Variants in CBX3 observed in about 807,000 individuals in gnomAD.
The protein encoded by CBX3 is chromobox protein homolog 3.
CBX3 carries 5 observed loss-of-function variants against 22.6 expected under a neutral mutation model. That is an observed-to-expected ratio of 0.22 (90% CI 0.12 to 0.47). CBX3 has a LOEUF of 0.47. Ranked by LOEUF, CBX3 falls within the 20% of genes least tolerant of loss-of-function variation. CBX3 has a pLI of 0.99. For synonymous variants in CBX3, 50 were observed against 66.6 expected (o/e 0.75, Z 1.21); for missense variants, 83 against 208.1 (o/e 0.40, Z 3.70).
chr7:26,208,328 T>C, intron 3 of CBX3, 65 bp from the exon 4 acceptor site: 1 of 1,301,968 alleles, frequency 7.7e-7, no homozygotes, highest in Non-Finnish European at 1.1e-6. Context: ...AAAATAGATC[T>C]GGATAATGGT....
At chr7:26,208,170 T>C (rs1584038689) in intron 3 of CBX3, 3 of 341,974 alleles carry the variant, frequency 8.8e-6, no homozygotes, top group Non-Finnish European at 1.6e-5. Flanking sequence ...TTCAGTGAGC[T>C]ATGATTCCAC....
Position 26,212,263 on chromosome 7 carries a change from TA to T in CBX3, c.*56del, listed in dbSNP as rs1784818136. 1 of 1,047,880 alleles carries T rather than the reference TA, an allele frequency of 9.5e-7. No individual in the cohort carries two copies. The highest frequency in any genetic ancestry group is 3.8e-5 in the East Asian group (1 of 26,194). 64.9% of individuals were successfully genotyped at this position (1,047,880 alleles called of 1,614,324 possible). A position where few individuals can be genotyped will look rare whatever the true frequency, so the allele number is the denominator to read the frequency against. On this transcript the variant is annotated 3_prime_UTR_variant, in exon 6 of 6. Transcript: ENST00000396386. ...ATATATATATATAAAAATTGGGTCT[TA>T]GATTTTGATTTACTAGTGTGACAAA...
chr7:26,207,173 T>C lies in CBX3; in HGVS notation c.167+663T>C, dbSNP rs115094732. ...AAAAATGGATAGGTGGAGATCAATT[T>C]CCTGAGCACGCTGGAGATGGAGCAT... On this transcript the variant is annotated intron_variant, in intron 3 of 5. Transcript: ENST00000396386. 8.5e-3 allele frequency among the ~76,000 whole-genome samples: 1,301 copies of C among 152,332 alleles called. 16 individuals are homozygous for C. Among genetic ancestry groups the C allele is most frequent in the African/African-American group, 0.029 (1,210 of 41,570 alleles).
chr7:26,204,687 T>C lies in CBX3; in HGVS notation c.24+1665T>C, dbSNP rs558256395. Among the ~76,000 whole-genome samples the C allele has an allele frequency of 2.6e-5, 4 of 152,350 alleles. No homozygotes were observed. In the East Asian group the frequency reaches 7.7e-4, roughly 29 times the overall value. ...TAGCTTGAAATGTCCTTCTGTAGCC[T>C]TGAGGTGTTCTTAACTTTTTTCTGC... On this transcript the variant is annotated intron_variant, in intron 2 of 5. Transcript: ENST00000396386.
chr7:26,208,339 GATGA>G lies in CBX3; in HGVS notation c.168-51_168-48del. 5.0e-6 allele frequency: 7 copies of G among 1,394,380 alleles called. 1 individual carries two copies. In the South Asian group the frequency reaches 9.1e-5, roughly 18 times the overall value. The allele number at this position is 1,394,380 out of a possible 1,614,324, so 86.4% of individuals were successfully genotyped here. A position where few individuals can be genotyped will look rare whatever the true frequency, so the allele number is the denominator to read the frequency against. ...TATTAAAATAGATCTGGATAATGGT[GATGA>G]ATCATATTTAATTCAATCACCTTTT... is the stretch of plus-strand genomic sequence containing the variant. On this transcript the variant is annotated intron_variant, in intron 3 of 5. Transcript: ENST00000396386.
chr7:26,210,874 A>C (rs1045035794), intron 4 of CBX3, among the ~76,000 whole-genome samples: 1 of 152,104 alleles, frequency 6.6e-6, no homozygotes, highest in Non-Finnish European at 1.5e-5. Context: ...AAATAGATGA[A>C]AAAAGGGGGC....
intron 2 of CBX3, among the ~76,000 whole-genome samples, chr7:26,203,721 A>G (rs1476383325): frequency 6.6e-6 from 1 of 152,190 alleles, no homozygotes; most frequent in Non-Finnish European, 1.5e-5. Context: ...TTAACATTGC[A>G]TTAATCTTAA....
At chr7:26,210,932 C>T (rs952679371) in intron 4 of CBX3, among the ~76,000 whole-genome samples, 4 of 152,006 alleles carry the variant, frequency 2.6e-5, no homozygotes, top group Non-Finnish European at 4.4e-5. Flanking sequence ...CCAGTGAATC[C>T]GTAGACCACA....
At position 26,213,267 on chromosome 7, in the gene CBX3, A is replaced by G. The variant is rs1329984724; in HGVS notation, c.*1059A>G. ...AGCCAGGAAGAACAACTTTGTAGTAATCAAAATGTTATCCAACTGTATATT... is the reference window on the plus strand; with the variant it reads ...AGCCAGGAAGAACAACTTTGTAGTAGTCAAAATGTTATCCAACTGTATATT... On this transcript the variant is annotated 3_prime_UTR_variant, in exon 6 of 6. Coordinates refer to ENST00000396386, the MANE Select transcript of CBX3 (RefSeq NM_016587.4). The G allele has an allele frequency of 6.5e-6, 1 of 152,722 alleles. No individual in the cohort carries two copies. The highest frequency in any genetic ancestry group is 1.5e-5 in the Non-Finnish European group (1 of 68,056). The allele number at this position is 152,722 out of a possible 1,614,324, so 9.5% of individuals were successfully genotyped here. A position where few individuals can be genotyped will look rare whatever the true frequency, so the allele number is the denominator to read the frequency against.
At chr7:26,205,443 T>G (rs1006931582) in intron 2 of CBX3, among the ~76,000 whole-genome samples, 1 of 152,198 alleles carries the variant, frequency 6.6e-6, no homozygotes, top group Non-Finnish European at 1.5e-5. Context: ...AGTTTTGTTC[T>G]AAGTGGTAGG....
rs879214653 is a variant in CBX3 at position 26,212,582 on chromosome 7, T to TTTTTTTTGTG, written c.*375_*376insTTTTTTGTGT. On this transcript the variant is annotated 3_prime_UTR_variant, in exon 6 of 6. Transcript: ENST00000396386. ...CCATTCTAGATTTATTACGTGTTTT[T>TTTTTTTTGTG]TGTGTGTGTGTGTGTGTGTGTGTGT... 3.7e-5 allele frequency: 4 copies of TTTTTTTTGTG among 109,068 alleles called. No homozygotes were observed. Among genetic ancestry groups the TTTTTTTTGTG allele is most frequent in the African/African-American group, 1.4e-4 (4 of 29,110 alleles). The allele number at this position is 109,068 out of a possible 1,614,324, so 6.8% of individuals were successfully genotyped here.
At chr7:26,204,124 A>G (rs1784618539) in intron 2 of CBX3, among the ~76,000 whole-genome samples, 1 of 152,314 alleles carries the variant, frequency 6.6e-6, no homozygotes, top group Non-Finnish European at 1.5e-5. Context: ...TTTGGAAAAA[A>G]GTGCTGGGTT....
upstream of CBX3, chr7:26,201,710 C>T (rs993432363): frequency 3.3e-5 from 5 of 152,042 alleles, no homozygotes; most frequent in African/African-American, 9.7e-5. Context: ...CCCCTCCCCC[C>T]GGCGGCCCCG....
At chr7:26,204,514 C>G (rs1476364935) in intron 2 of CBX3, among the ~76,000 whole-genome samples, 1 of 152,156 alleles carries the variant, frequency 6.6e-6, no homozygotes, top group African/African-American at 2.4e-5. Flanking sequence ...CCAAAAACGT[C>G]AGGTGTTTGC....
chr7:26,205,199 A>C (rs1291002361), intron 2 of CBX3, among the ~76,000 whole-genome samples: 2 of 152,072 alleles, frequency 1.3e-5, no homozygotes, highest in Non-Finnish European at 2.9e-5. Flanking sequence ...CCTCTCATAA[A>C]AATTTTCCCC....
chr7:26,210,882 G>T (rs936332030), intron 4 of CBX3, among the ~76,000 whole-genome samples: 1 of 151,912 alleles, frequency 6.6e-6, no homozygotes, highest in African/African-American at 2.4e-5. Flanking sequence ...GAAAAAAGGG[G>T]GCCTTACACA....
intron 4 of CBX3, chr7:26,209,868 TTGAAC>T (rs1784765798): frequency 6.6e-6 from 1 of 152,212 alleles, no homozygotes; most frequent in East Asian, 1.9e-4. Flanking sequence ...ACTTGATCAT[TTGAAC>T]TAGAAGCCAA....
intron 2 of CBX3, 192 bp from the exon 3 acceptor site, chr7:26,206,176 C>T: frequency 2.0e-6 from 1 of 503,582 alleles, no homozygotes; most frequent in Non-Finnish European, 3.5e-6. Context: ...TAAGTTTGAA[C>T]TAAATGAACA....
At chr7:26,211,952 C>A in intron 5 of CBX3, 130 bp from the exon 6 acceptor site, 2 of 912,854 alleles carry the variant, frequency 2.2e-6, no homozygotes, top group Non-Finnish European at 3.2e-6. Flanking sequence ...TAGAACATAG[C>A]AACAAGTAAC....
Sources: gnomAD v4.1 joint callset for allele counts (sites outside exome capture counted in the v4.1 genomes callset) on GRCh38, gnomAD v4.1.1 for gene constraint, MANE v1.5 for transcripts, NCBI Gene and HGNC (gene_info 2026-07-23, HGNC 2026-07-21) for gene names.